The following NF1 variants were observed in gnomAD, a reference collection of about 807,000 sequenced individuals.
The protein encoded by NF1 is neurofibromin.
In NF1, 122 loss-of-function variants were observed where a neutral mutation model predicts 325.7. The ratio of observed to expected loss-of-function variants is 0.37; its 90% CI spans 0.32 to 0.44. NF1 has a LOEUF of 0.44. NF1 is among the 20% of genes least tolerant of loss of function. The probability of loss-of-function intolerance (pLI) is 1.00; values close to 1 mark genes in which losing one functional copy is unlikely to be tolerated. For missense variants in NF1, 2,140 were observed against 3,415.4 expected, an observed-to-expected ratio of 0.63 and a Z score of 9.31; for synonymous variants, 1,091 against 1,186.0, an observed-to-expected ratio of 0.92 and a Z score of 1.65.
At chr17:31,158,788 G>A (rs1028009802) in intron 2 of NF1, among the ~76,000 whole-genome samples, 3 of 152,064 alleles carry the variant, frequency 2.0e-5, no homozygotes, top group Non-Finnish European at 2.9e-5. Context: ...ACTGTTACAA[G>A]GTTAATGGCA....
chr17:31,144,246 A>G (rs1597612601), intron 1 of NF1, among the ~76,000 whole-genome samples: 1 of 152,076 alleles, frequency 6.6e-6, no homozygotes, highest in Non-Finnish European at 1.5e-5. Context: ...ACATCTCACT[A>G]CTTTCTCTTC....
intron 35 of NF1, among the ~76,000 whole-genome samples, chr17:31,264,914 A>G (rs2067758895): frequency 6.6e-6 from 1 of 152,222 alleles, no homozygotes; most frequent in Admixed American, 6.5e-5. Context: ...CATAAACTAG[A>G]AAAGATTGAT....
At chr17:31,208,273 T>C (rs2066659169) in intron 12 of NF1, among the ~76,000 whole-genome samples, 1 of 152,240 alleles carries the variant, frequency 6.6e-6, no homozygotes, top group African/African-American at 2.4e-5. Flanking sequence ...TGAAATGTTA[T>C]ATGTATGTAT....
intron 14 of NF1, 101 bp from the exon 15 acceptor site, chr17:31,221,749 T>C (rs769754891): frequency 8.6e-6 from 7 of 811,038 alleles, no homozygotes; most frequent in Non-Finnish European, 1.0e-5. Context: ...ATGAAAGAGC[T>C]CAATTTCTTA....
At chr17:31,105,627 G>A (rs1033919982) in intron 1 of NF1, among the ~76,000 whole-genome samples, 2 of 152,048 alleles carry the variant, frequency 1.3e-5, no homozygotes, top group Non-Finnish European at 2.9e-5. Flanking sequence ...CGATTTTCCT[G>A]CCTCAGCCTC....
chr17:31,280,646 A>G (rs886955535), intron 36 of NF1, among the ~76,000 whole-genome samples: 3 of 151,960 alleles, frequency 2.0e-5, no homozygotes, highest in African/African-American at 7.2e-5. Flanking sequence ...GGTCTAGGCT[A>G]TTACAACAAT....
chr17:31,359,257 T>A, intron 56 of NF1: 1 of 505,466 alleles, frequency 2.0e-6, no homozygotes, highest in Non-Finnish European at 3.6e-6. Flanking sequence ...TTCAGAAGAG[T>A]ATGATAAACC....
chr17:31,179,676 G>A (rs1441321391), intron 5 of NF1, among the ~76,000 whole-genome samples: 1 of 151,942 alleles, frequency 6.6e-6, no homozygotes, highest in South Asian at 2.1e-4. Flanking sequence ...CCAGCTACTC[G>A]GGAGCCTGAG....
chr17:31,173,465 A>G (rs983253424), intron 5 of NF1, among the ~76,000 whole-genome samples: 2 of 152,028 alleles, frequency 1.3e-5, no homozygotes, highest in Non-Finnish European at 2.9e-5. Context: ...GTGTGGTGGC[A>G]CGTGCCCATA....
chr17:31,320,583 A>G (rs2069160709), intron 36 of NF1: 2 of 607,514 alleles, frequency 3.3e-6, no homozygotes, highest in East Asian at 5.5e-5. Flanking sequence ...GTAGCATGTA[A>G]TAAACAATGC....
chr17:31,372,888 CA>C (rs1244189998), intron 57 of NF1, among the ~76,000 whole-genome samples: 9 of 152,234 alleles, frequency 5.9e-5, no homozygotes, highest in African/African-American at 2.2e-4. Flanking sequence ...TGGTGGCATG[CA>C]CCTGTAGTCC....
At chr17:31,306,565 A>G (rs1054303724) in intron 36 of NF1, among the ~76,000 whole-genome samples, 4 of 152,178 alleles carry the variant, frequency 2.6e-5, no homozygotes, top group African/African-American at 9.7e-5. Context: ...AGAGTCTATT[A>G]GTAATCTTTG....
At chr17:31,218,961 A>C (rs2066872061) in intron 13 of NF1, 44 bp from the exon 14 acceptor site, 3 of 1,484,334 alleles carry the variant, frequency 2.0e-6, no homozygotes, top group African/African-American at 1.5e-5. Context: ...ATCTCTCTCG[A>C]TTTATTTATT....
intron 1 of NF1, among the ~76,000 whole-genome samples, chr17:31,127,618 A>T (rs1462499006): frequency 6.6e-6 from 1 of 151,258 alleles, no homozygotes; most frequent in Non-Finnish European, 1.5e-5. Flanking sequence ...TATTTAAAGA[A>T]ACGGGGTTTT....
At chr17:31,141,617 A>G (rs1157370147) in intron 1 of NF1, among the ~76,000 whole-genome samples, 1 of 152,194 alleles carries the variant, frequency 6.6e-6, no homozygotes, top group Non-Finnish European at 1.5e-5. Flanking sequence ...CTATTGCTGC[A>G]AAACACATTA....
At chr17:31,312,384 G>A (rs2068899820) in intron 36 of NF1, among the ~76,000 whole-genome samples, 1 of 151,940 alleles carries the variant, frequency 6.6e-6, no homozygotes, top group African/African-American at 2.4e-5. Context: ...GGTGGTGGGT[G>A]CCTGTAATCC....
chr17:31,228,673 T>C (rs1242158077), intron 20 of NF1, among the ~76,000 whole-genome samples: 1 of 152,062 alleles, frequency 6.6e-6, no homozygotes, highest in South Asian at 2.1e-4. Flanking sequence ...ATGAATCTAC[T>C]TTCTGTCTTT....
intron 5 of NF1, among the ~76,000 whole-genome samples, chr17:31,174,812 T>C (rs2065989703): frequency 6.6e-6 from 1 of 152,140 alleles, no homozygotes; most frequent in South Asian, 2.1e-4. Context: ...CTATTGCATA[T>C]AGAGCCATCA....
intron 1 of NF1, among the ~76,000 whole-genome samples, chr17:31,114,544 G>C (rs1326215123): frequency 2.3e-5 from 3 of 128,698 alleles, no homozygotes; most frequent in African/African-American, 1.0e-4. Context: ...TCACAAAAAA[G>C]AATAAAAAAA....
Sources: allele counts gnomAD v4.1 joint callset (sites outside exome capture counted in the v4.1 genomes callset), GRCh38; gene constraint gnomAD v4.1.1; transcripts MANE v1.5; gene names NCBI Gene and HGNC (gene_info 2026-07-23, HGNC 2026-07-21).